Variants in RBFOX1 observed in about 807,000 individuals in gnomAD.
The protein encoded by RBFOX1 is RNA binding fox-1 homolog 1.
In RBFOX1, 8 loss-of-function variants were observed where a neutral mutation model predicts 57.7. That is an observed-to-expected ratio of 0.14 (90% CI 0.08 to 0.25). The LOEUF is 0.25. Among genes scored for constraint, RBFOX1 ranks in the 10% least tolerant of loss-of-function variants. The probability of loss-of-function intolerance (pLI) is 1.00; values close to 1 mark genes in which losing one functional copy is unlikely to be tolerated. For synonymous variants in RBFOX1, 326 were observed against 222.4 expected (o/e 1.47, Z -4.15); for missense variants, 611 against 548.5 (o/e 1.11, Z -1.14).
chr16:6,842,295 TCTTA>T (rs1339833604), intron 3 of RBFOX1, among the ~76,000 whole-genome samples: 1 of 150,378 alleles, frequency 6.6e-6, no homozygotes, highest in Non-Finnish European at 1.5e-5. Context: ...AAAACAACTT[TCTTA>T]ATTATTTTTT....
At chr16:7,054,601 C>T (rs1040396375) in intron 4 of RBFOX1, among the ~76,000 whole-genome samples, 3 of 150,682 alleles carry the variant, frequency 2.0e-5, no homozygotes, top group Non-Finnish European at 3.0e-5. Context: ...AGGTAAATAC[C>T]TGTCCATCTC....
intron 4 of RBFOX1, among the ~76,000 whole-genome samples, chr16:7,161,093 G>C (rs1040820069): frequency 2.6e-5 from 4 of 151,604 alleles, no homozygotes; most frequent in African/African-American, 9.8e-5. Context: ...TATTTGCAGA[G>C]TGTATTTAGT....
chr16:5,991,070 C>T (rs1407818005), intron 4 of RBFOX1, among the ~76,000 whole-genome samples: 1 of 152,176 alleles, frequency 6.6e-6, no homozygotes, highest in African/African-American at 2.4e-5. Context: ...AACAAGGAAA[C>T]TGAGTTTATT....
intron 3 of RBFOX1, among the ~76,000 whole-genome samples, chr16:5,681,240 AT>A (rs71404546): frequency 0.22 from 29,222 of 134,462 alleles, 3,180 homozygotes; most frequent in East Asian, 0.54. Flanking sequence ...TGCCTGGCTA[AT>A]TTTTTTTTTT....
Position 5,605,858 on chromosome 16 carries a change from G to T in RBFOX1, c.318+6897G>T, listed in dbSNP as rs72763280. On this transcript the variant is annotated intron_variant, in intron 3 of 19. Coordinates refer to the RBFOX1 transcript ENST00000641259. The stretch of plus-strand genomic sequence containing the variant: ...GGTAATGTCTGCCTTGAGAACAGGA[G>T]GGGAGAGTGCCAACACAGATGCTGT... 2.0e-5 allele frequency among the ~76,000 whole-genome samples: 3 copies of T among 152,260 alleles called. No individual in the cohort carries two copies. The East Asian group carries it at 5.8e-4, about 29-fold the overall frequency.
chr16:6,212,755 T>G (rs1051273269), intron 1 of RBFOX1, among the ~76,000 whole-genome samples: 1 of 151,812 alleles, frequency 6.6e-6, no homozygotes, highest in Non-Finnish European at 1.5e-5. Context: ...AATATGATAA[T>G]GGAGTAATCT....
At position 6,253,872 on chromosome 16, in the gene RBFOX1, G is replaced by C. The variant is rs376227291; in HGVS notation, c.-126-63123G>C. ...CTTGCTTGCATTGGTATTCCTCTTT[G>C]GAGCAGCCCCGTCACAACAGCAATT... is the stretch of plus-strand genomic sequence containing the variant. On this transcript the variant is annotated intron_variant, in intron 1 of 15. Transcript: ENST00000550418. 2.0e-5 allele frequency among the ~76,000 whole-genome samples: 3 copies of C among 152,010 alleles called. No homozygotes were observed. In the South Asian group the frequency reaches 6.2e-4, roughly 32 times the overall value.
chr16:6,668,818 C>CTGT (rs1478996749), intron 3 of RBFOX1, among the ~76,000 whole-genome samples: 1 of 5,382 alleles, frequency 1.9e-4, no homozygotes, highest in Non-Finnish European at 3.4e-3. Flanking sequence ...AGAAGCAAGT[C>CTGT]TATTTTGTGT....
intron 3 of RBFOX1, among the ~76,000 whole-genome samples, chr16:6,742,118 G>C (rs1410549226): frequency 6.6e-6 from 1 of 152,064 alleles, no homozygotes; most frequent in African/African-American, 2.4e-5. Flanking sequence ...AGTTATTATT[G>C]TCAATTTTAA....
intron 3 of RBFOX1, among the ~76,000 whole-genome samples, chr16:5,832,371 G>A (rs2056304342): frequency 6.6e-6 from 1 of 152,210 alleles, no homozygotes; most frequent in South Asian, 2.1e-4. Context: ...GAAGAATGGG[G>A]CATGCCCAGA....
intron 3 of RBFOX1, among the ~76,000 whole-genome samples, chr16:5,766,267 A>AG (rs1279081662): frequency 6.6e-6 from 1 of 152,084 alleles, no homozygotes; most frequent in Non-Finnish European, 1.5e-5. Context: ...AGCAAGAGAG[A>AG]GAGGAGGAGG....
chr16:6,529,121 T>C (rs1054873416), intron 2 of RBFOX1, among the ~76,000 whole-genome samples: 4 of 152,120 alleles, frequency 2.6e-5, no homozygotes, highest in Admixed American at 2.6e-4. Context: ...CTCCGAAATG[T>C]GGTGAATTTG....
intron 3 of RBFOX1, among the ~76,000 whole-genome samples, chr16:6,682,505 G>A (rs941243533): frequency 3.3e-5 from 5 of 152,156 alleles, no homozygotes; most frequent in African/African-American, 4.8e-5. Flanking sequence ...TGGTGATGTA[G>A]AAAAGGGTTT....
chr16:7,691,342 A>C (rs55656205), intron 14 of RBFOX1, among the ~76,000 whole-genome samples: 5,637 of 151,732 alleles, frequency 0.037, 346 homozygotes, highest in African/African-American at 0.13. Flanking sequence ...GTAAAAAATA[A>C]AATAAAAATC....
At chr16:7,443,471 A>G (rs1183354009) in intron 4 of RBFOX1, among the ~76,000 whole-genome samples, 2 of 146,246 alleles carry the variant, frequency 1.4e-5, no homozygotes, top group Non-Finnish European at 3.0e-5. Flanking sequence ...ATAAGATTTC[A>G]GTTCAGCGTT....
At chr16:6,158,806 GTCTGGGAATTTGAAT>G (rs2096856785) in intron 1 of RBFOX1, among the ~76,000 whole-genome samples, 1 of 152,118 alleles carries the variant, frequency 6.6e-6, no homozygotes, top group Non-Finnish European at 1.5e-5. Context: ...GAGAGGGCAC[GTCTGGGAATTTGAAT>G]TCTAAGAGAG....
chr16:5,399,826 G>T (rs1204240958), intron 1 of RBFOX1, among the ~76,000 whole-genome samples: 3 of 151,950 alleles, frequency 2.0e-5, no homozygotes, highest in African/African-American at 7.3e-5. Context: ...TATCCCTTAA[G>T]GTGAACTGTT....
At chr16:7,019,815 G>C (rs1215222962) in intron 3 of RBFOX1, among the ~76,000 whole-genome samples, 2 of 152,134 alleles carry the variant, frequency 1.3e-5, no homozygotes, top group African/African-American at 4.8e-5. Context: ...CATTAATCCT[G>C]AACATATGAT....
At chr16:6,020,081 C>T (rs927834398) in intron 1 of RBFOX1, 89 bp downstream of exon 1, 2 of 1,315,422 alleles carry the variant, frequency 1.5e-6, no homozygotes, top group African/African-American at 1.5e-5. Flanking sequence ...CGCTAGGTCC[C>T]CGAGAACTGG....
Sources: gnomAD v4.1 joint callset for allele counts (sites outside exome capture counted in the v4.1 genomes callset) on GRCh38, gnomAD v4.1.1 for gene constraint, MANE v1.5 for transcripts, NCBI Gene and HGNC (gene_info 2026-07-23, HGNC 2026-07-21) for gene names.